C12orf75: variants seen among roughly 807,000 people sequenced by gnomAD.
C12orf75 encodes overexpressed in colon carcinoma 1 protein.
In C12orf75, 4 loss-of-function variants were observed where a neutral mutation model predicts 11.4. The ratio of observed to expected loss-of-function variants is 0.35; its 90% CI spans 0.17 to 0.80. The LOEUF is 0.80. Ranked by LOEUF, C12orf75 falls within the 30% of genes least tolerant of loss-of-function variation. The pLI, the probability that C12orf75 is intolerant of heterozygous loss-of-function variation, is 0.52. For missense variants in C12orf75, 89 were observed against 80.4 expected, an observed-to-expected ratio of 1.11 and a Z score of -0.41; for synonymous variants, 30 against 30.0, an observed-to-expected ratio of 1.00 and a Z score of 0.00.
intron 2 of C12orf75, among the ~76,000 whole-genome samples, chr12:105,356,076 T>G (rs1202553113): frequency 6.6e-6 from 1 of 152,096 alleles, no homozygotes; most frequent in Non-Finnish European, 1.5e-5. Flanking sequence ...GTTTTGAAAT[T>G]GGAAAGAAAT....
At chr12:105,360,800 G>A (rs1408943894) in intron 2 of C12orf75, among the ~76,000 whole-genome samples, 1 of 151,892 alleles carries the variant, frequency 6.6e-6, no homozygotes, top group Non-Finnish European at 1.5e-5. Flanking sequence ...TTGTGAGACC[G>A]AGTCTGTCTC....
At chr12:105,337,806 T>G (rs1275923714) in intron 1 of C12orf75, among the ~76,000 whole-genome samples, 3 of 152,120 alleles carry the variant, frequency 2.0e-5, no homozygotes, top group African/African-American at 7.2e-5. Context: ...TTTAGTAAAG[T>G]TTAAGCCCCT....
chr12:105,342,366 T>C (rs1051182788), intron 1 of C12orf75, among the ~76,000 whole-genome samples: 1 of 152,234 alleles, frequency 6.6e-6, no homozygotes, highest in African/African-American at 2.4e-5. Context: ...CTTCTTGCGC[T>C]CTTGCTGTCT....
intron 4 of C12orf75, 101 bp downstream of exon 4, chr12:105,366,797 G>A (rs1592886276): frequency 1.5e-5 from 11 of 728,832 alleles, no homozygotes; most frequent in Middle Eastern, 2.3e-4. Flanking sequence ...CTCAACCTAT[G>A]TATTGGTTGC....
At chr12:105,345,659 CTTTTTTTT>C (rs771376717) in intron 1 of C12orf75, among the ~76,000 whole-genome samples, 1 of 73,520 alleles carries the variant, frequency 1.4e-5, no homozygotes, top group Non-Finnish European at 2.3e-5. Flanking sequence ...AGTGTCTGGC[CTTTTTTTT>C]TTTTTTTTTT....
chr12:105,332,653 C>T (rs1470146770), intron 1 of C12orf75, among the ~76,000 whole-genome samples: 3 of 151,408 alleles, frequency 2.0e-5, no homozygotes, highest in Non-Finnish European at 4.4e-5. Context: ...ATTGCTTGAA[C>T]CTGGGAGGCG....
At position 105,348,627 on chromosome 12, in the gene C12orf75, G is replaced by A. The variant is rs1437194653; in HGVS notation, c.71+1G>A. 6.5e-7 allele frequency: 1 copy of A among 1,535,572 alleles called. No individual in the cohort carries two copies. The highest frequency in any genetic ancestry group is 2.0e-5 in the Admixed American group (1 of 49,332). On this transcript the variant is annotated splice_donor_variant, in intron 2 of 5. Transcript: ENST00000443585. LOFTEE classifies it high-confidence loss of function. ...GCCCTGCAGGAGCAGCCAAAGATGT[G>A]TAAGTATTGAATATTAATGATTTTA...
At chr12:105,366,438 G>C (rs1319555986) in intron 3 of C12orf75, 179 bp from the exon 4 acceptor site, 6 of 395,152 alleles carry the variant, frequency 1.5e-5, no homozygotes, top group Non-Finnish European at 2.7e-5. Context: ...AAAAAAAATA[G>C]CTTCTTTTTA....
At chr12:105,333,832 A>G (rs923702778) in intron 1 of C12orf75, among the ~76,000 whole-genome samples, 9 of 152,216 alleles carry the variant, frequency 5.9e-5, no homozygotes, top group African/African-American at 1.9e-4. Context: ...CTATAAGAAC[A>G]TGGCAAATAT....
At chr12:105,348,091 T>C (rs2136144926) in intron 1 of C12orf75, among the ~76,000 whole-genome samples, 1 of 152,318 alleles carries the variant, frequency 6.6e-6, no homozygotes, top group African/African-American at 2.4e-5. Flanking sequence ...AAGCTAAGAT[T>C]TGAAACTTAA....
Position 105,330,726 on chromosome 12 carries a change from C to A in C12orf75, c.-166C>A, listed in dbSNP as rs887303459. The A allele has an allele frequency of 2.7e-5, 16 of 588,776 alleles. No homozygotes were observed. Among genetic ancestry groups the A allele is most frequent in the African/African-American group, 2.6e-4 (13 of 50,310 alleles). 36.5% of individuals were successfully genotyped at this position (588,776 alleles called of 1,614,324 possible). Reference sequence around the variant, plus strand: ...CGGCAGCCCGCAGCCCGCTGCGCCCCGGGCCGCGTCTCCCGGCGGTGGGAG... The same window carrying A: ...CGGCAGCCCGCAGCCCGCTGCGCCCAGGGCCGCGTCTCCCGGCGGTGGGAG... On this transcript the variant is annotated 5_prime_UTR_variant, in exon 1 of 6. Coordinates refer to ENST00000443585, the MANE Select transcript of C12orf75 (RefSeq NM_001145199.2).
intron 2 of C12orf75, among the ~76,000 whole-genome samples, chr12:105,358,691 A>G (rs548403827): frequency 1.3e-5 from 2 of 152,324 alleles, no homozygotes; most frequent in South Asian, 4.1e-4. Flanking sequence ...TTGTCTTGAT[A>G]CCAGAGAAAG....
chr12:105,358,258 G>T lies in C12orf75; in HGVS notation c.72-7549G>T, dbSNP rs538008244. ...TAGCTGGGCATGGTGGCACGTGTTT[G>T]TAGTCCCAGCCACTCAGGAGGCTAA... On this transcript the variant is annotated intron_variant, in intron 2 of 5. Coordinates refer to ENST00000443585, the MANE Select transcript of C12orf75 (RefSeq NM_001145199.2). 2.3e-3 allele frequency among the ~76,000 whole-genome samples: 350 copies of T among 152,316 alleles called. 3 individuals are homozygous for T. The highest frequency in any genetic ancestry group is 8.2e-3 in the African/African-American group (342 of 41,570).
intron 2 of C12orf75, among the ~76,000 whole-genome samples, chr12:105,355,678 C>T (rs564544205): frequency 6.6e-6 from 1 of 152,180 alleles, no homozygotes; most frequent in Admixed American, 6.5e-5. Context: ...TTAGGAGAAG[C>T]TAGGGTAGGT....
In C12orf75 at chr12:105,342,546, C is replaced by A. The variant is rs1449251611; in HGVS notation, c.47-6056C>A. Among the ~76,000 whole-genome samples the A allele has an allele frequency of 2.6e-5, 4 of 152,240 alleles. No individual in the cohort carries two copies. In the East Asian group the frequency reaches 7.7e-4, roughly 29 times the overall value. On this transcript the variant is annotated intron_variant, in intron 1 of 5. Transcript: ENST00000443585. ...AACAGCAACACAAAAAGGACCAAGA[C>A]ACAAGCATGGCTGGTTAAATCCTTT... is the stretch of plus-strand genomic sequence containing the variant.
chr12:105,370,752 A>G lies in C12orf75; in HGVS notation c.*152A>G. 1 of 457,578 alleles carries G rather than the reference A, an allele frequency of 2.2e-6. No individual in the cohort carries two copies. Among genetic ancestry groups the G allele is most frequent in the South Asian group, 1.5e-5 (1 of 64,556 alleles). The allele number at this position is 457,578 out of a possible 1,614,324, so 28.3% of individuals were successfully genotyped here. On this transcript the variant is annotated 3_prime_UTR_variant, in exon 6 of 6. Transcript: ENST00000443585. The stretch of plus-strand genomic sequence containing the variant: ...TTGCATTCCCCCAAATCTTAAGTGT[A>G]TACATAAAACCCTGGGTACATATTG...
chr12:105,339,911 T>G lies in C12orf75; in HGVS notation c.47-8691T>G, dbSNP rs1392306745. On this transcript the variant is annotated intron_variant, in intron 1 of 5. Coordinates refer to ENST00000443585, the MANE Select transcript of C12orf75 (RefSeq NM_001145199.2). ...CTGGGATTACAGGCGTGAGCCACCATGCCTGGCCCTTGTTTCTTTTAAAAG... is the reference window on the plus strand; with the variant it reads ...CTGGGATTACAGGCGTGAGCCACCAGGCCTGGCCCTTGTTTCTTTTAAAAG... 2.6e-5 allele frequency among the ~76,000 whole-genome samples: 4 copies of G among 151,870 alleles called. No homozygotes were observed. In the East Asian group the frequency reaches 7.8e-4, roughly 30 times the overall value.
intron 2 of C12orf75, among the ~76,000 whole-genome samples, chr12:105,364,785 T>C (rs1346932230): frequency 1.3e-5 from 2 of 151,900 alleles, no homozygotes; most frequent in South Asian, 2.1e-4. Flanking sequence ...TCAAGGAAAG[T>C]GTCCTGATTC....
chr12:105,354,219 C>T (rs1892747703), intron 2 of C12orf75, among the ~76,000 whole-genome samples: 1 of 152,150 alleles, frequency 6.6e-6, no homozygotes, highest in South Asian at 2.1e-4. Flanking sequence ...TGTTTAAAAT[C>T]CCCTTCACCA....
Sources: gnomAD v4.1 joint callset for allele counts (sites outside exome capture counted in the v4.1 genomes callset) on GRCh38, gnomAD v4.1.1 for gene constraint, MANE v1.5 for transcripts, NCBI Gene and HGNC (gene_info 2026-07-23, HGNC 2026-07-21) for gene names.